Variants in UGP2 observed in about 807,000 individuals in gnomAD.
UGP2 encodes the protein UTP--glucose-1-phosphate uridylyltransferase.
Under a neutral mutation model 49.0 loss-of-function variants are expected in UGP2, and 40 were observed. That is an observed-to-expected ratio of 0.82 (90% confidence interval 0.63 to 1.06). The LOEUF (loss-of-function observed/expected upper bound fraction) is 1.06. UGP2 is among the 50% of genes least tolerant of loss of function. The probability of loss-of-function intolerance (pLI) is 0.00; values close to 1 mark genes in which losing one functional copy is unlikely to be tolerated. For missense variants in UGP2, 460 were observed against 603.5 expected (o/e 0.76, Z 2.49); for synonymous variants, 225 against 213.0 (o/e 1.06, Z -0.49).
chr2:63,856,812 C>G (rs1261536064), intron 2 of UGP2: 2 of 459,592 alleles, frequency 4.4e-6, no homozygotes, highest in Non-Finnish European at 8.7e-6. Context: ...TAGAACCATG[C>G]TACTTTGACA....
chr2:63,865,532 A>T (rs368752001), intron 3 of UGP2, among the ~76,000 whole-genome samples: 84 of 128,188 alleles, frequency 6.6e-4, no homozygotes, highest in Non-Finnish European at 8.1e-4. Context: ...GCTTGGGTCT[A>T]TTTTTTTTTT....
intron 1 of UGP2, among the ~76,000 whole-genome samples, chr2:63,845,509 GTTA>G (rs1187291716): frequency 2.9e-5 from 4 of 135,606 alleles, no homozygotes; most frequent in African/African-American, 5.4e-5. Context: ...AGGCCTAGGT[GTTA>G]TTATGTTAAA....
intron 1 of UGP2, chr2:63,855,520 G>GTTTTTTTTTTTTTTTTTTTC (rs1669337259): frequency 9.3e-5 from 18 of 194,310 alleles, no homozygotes; most frequent in Admixed American, 2.4e-4. Flanking sequence ...TTCTTTTTCT[G>GTTTTTTTTTTTTTTTTTTTC]TTTTTTTTTT....
chr2:63,885,995 T>C lies in UGP2; in HGVS notation c.873+109T>C, dbSNP rs1408642795. 11 of 1,224,960 alleles carry C rather than the reference T, an allele frequency of 9.0e-6. No individual in the cohort carries two copies. In the African/African-American group the frequency reaches 1.7e-4, roughly 19 times the overall value. 75.9% of individuals were successfully genotyped at this position (1,224,960 alleles called of 1,614,324 possible). The stretch of plus-strand genomic sequence containing the variant: ...TTTCTATGTTAAACAACACATTTAA[T>C]ATGTTCTGTTTGACATAATAGTATG... On this transcript the variant is annotated intron_variant, in intron 6 of 9. Transcript: ENST00000337130.
chr2:63,882,838 C>A, intron 4 of UGP2, 187 bp downstream of exon 4: 1 of 457,348 alleles, frequency 2.2e-6, no homozygotes, highest in Non-Finnish European at 3.5e-6. Context: ...TATGTAAAGG[C>A]TTTTGATCTT....
intron 3 of UGP2, among the ~76,000 whole-genome samples, chr2:63,877,782 A>T (rs1671005886): frequency 6.6e-6 from 1 of 151,550 alleles, no homozygotes; most frequent in Admixed American, 6.6e-5. Context: ...TCATGAGGTC[A>T]GGAGATCGAG....
Position 63,858,086 on chromosome 2 carries a change from A to G in UGP2, c.255+150A>G, listed in dbSNP as rs560281447. The G allele has an allele frequency of 5.9e-5, 40 of 673,596 alleles. No homozygotes were observed. In the Middle Eastern group the frequency reaches 1.3e-3, roughly 22 times the overall value. The allele number at this position is 673,596 out of a possible 1,614,324, so 41.7% of individuals were successfully genotyped here. ...TTCTCTGACCCCTCATCCTGAAACT[A>G]TGGAGACAGCCTTCAGCTCCTTTCC... On this transcript the variant is annotated intron_variant, in intron 3 of 9. Coordinates refer to ENST00000337130, the MANE Select transcript of UGP2 (RefSeq NM_006759.4).
chr2:63,867,915 C>G (rs538137189), intron 3 of UGP2, among the ~76,000 whole-genome samples: 7 of 152,264 alleles, frequency 4.6e-5, no homozygotes, highest in African/African-American at 1.7e-4. Flanking sequence ...CTTTAAACTT[C>G]AGGATTGCAG....
intron 2 of UGP2, chr2:63,857,535 G>A: frequency 2.2e-6 from 1 of 460,842 alleles, no homozygotes; most frequent in South Asian, 1.6e-5. Context: ...GCTAATTTTT[G>A]TATTTTTTTT....
At chr2:63,872,335 T>C (rs1670613252) in intron 3 of UGP2, among the ~76,000 whole-genome samples, 1 of 152,252 alleles carries the variant, frequency 6.6e-6, no homozygotes, top group African/African-American at 2.4e-5. Context: ...TGGTGGATCC[T>C]GCTTTCAGAG....
At chr2:63,843,321 C>T (rs573819577) in intron 1 of UGP2, among the ~76,000 whole-genome samples, 2 of 152,334 alleles carry the variant, frequency 1.3e-5, no homozygotes, top group African/African-American at 4.8e-5. Flanking sequence ...TGTTATTAGA[C>T]TTTCAAATTC....
At chr2:63,881,057 G>C (rs1459258361) in intron 3 of UGP2, among the ~76,000 whole-genome samples, 1 of 152,142 alleles carries the variant, frequency 6.6e-6, no homozygotes, top group Non-Finnish European at 1.5e-5. Context: ...ATAACAAGTA[G>C]AGAGCCTTGG....
intron 1 of UGP2, among the ~76,000 whole-genome samples, chr2:63,852,031 T>C (rs1459638606): frequency 6.6e-6 from 1 of 152,006 alleles, no homozygotes; most frequent in Non-Finnish European, 1.5e-5. Context: ...TGTGACAGAT[T>C]ATACCCTTAT....
intron 3 of UGP2, among the ~76,000 whole-genome samples, chr2:63,879,340 T>C (rs1006296092): frequency 1.3e-5 from 2 of 152,226 alleles, no homozygotes; most frequent in African/African-American, 4.8e-5. Flanking sequence ...ATAAAATTAA[T>C]AGCTTTCAGA....
At chr2:63,869,069 A>G (rs1670372030) in intron 3 of UGP2, among the ~76,000 whole-genome samples, 1 of 152,228 alleles carries the variant, frequency 6.6e-6, no homozygotes, top group Non-Finnish European at 1.5e-5. Flanking sequence ...TTAGTAGAGA[A>G]CCATAATGAT....
chr2:63,887,978 G>A (rs1671805366), intron 8 of UGP2: 1 of 217,222 alleles, frequency 4.6e-6, no homozygotes, highest in Admixed American at 5.1e-5. Context: ...GTACTGGGCA[G>A]TGTTCTAGGT....
chr2:63,859,650 G>T (rs1295227872), intron 3 of UGP2, among the ~76,000 whole-genome samples: 1 of 152,090 alleles, frequency 6.6e-6, no homozygotes, highest in South Asian at 2.1e-4. Flanking sequence ...GTTACTGATA[G>T]TAATACAGAA....
At chr2:63,859,796 T>C (rs1189418276) in intron 3 of UGP2, among the ~76,000 whole-genome samples, 1 of 152,248 alleles carries the variant, frequency 6.6e-6, no homozygotes, top group Non-Finnish European at 1.5e-5. Flanking sequence ...TTTAAGCTTC[T>C]TCAGAAAATG....
chr2:63,843,604 A>T (rs779735525), intron 1 of UGP2, among the ~76,000 whole-genome samples: 21 of 152,360 alleles, frequency 1.4e-4, no homozygotes, highest in African/African-American at 2.2e-4. Flanking sequence ...CTGATTTCAC[A>T]GCCTTTGCTG....
Sources: gnomAD v4.1 joint callset for allele counts (sites outside exome capture counted in the v4.1 genomes callset) on GRCh38, gnomAD v4.1.1 for gene constraint, MANE v1.5 for transcripts, NCBI Gene and HGNC (gene_info 2026-07-23, HGNC 2026-07-21) for gene names.